PLCB3: variants seen among roughly 807,000 people sequenced by gnomAD.
PLCB3 encodes phospholipase C beta 3.
Under a neutral mutation model 152.1 loss-of-function variants are expected in PLCB3, and 54 were observed. That is an observed-to-expected ratio of 0.36 (90% CI 0.29 to 0.45). PLCB3 has a LOEUF of 0.45. Among genes scored for constraint, PLCB3 ranks in the 20% least tolerant of loss-of-function variants. The pLI, the probability that PLCB3 is intolerant of heterozygous loss-of-function variation, is 1.00. For missense variants in PLCB3, 1,248 were observed against 1,687.5 expected, an observed-to-expected ratio of 0.74 and a Z score of 4.56; for synonymous variants, 717 against 698.7, an observed-to-expected ratio of 1.03 and a Z score of -0.41.
rs1326944931 is a variant in PLCB3, at chr11:64,252,330, A to G, written c.99+582A>G. 3.3e-5 allele frequency among the ~76,000 whole-genome samples: 5 copies of G among 151,560 alleles called. No homozygotes were observed. The East Asian group carries it at 9.7e-4, about 29-fold the overall frequency. On this transcript the variant is annotated intron_variant, in intron 1 of 30. Coordinates refer to ENST00000279230, the MANE Select transcript of PLCB3 (RefSeq NM_000932.5). ...CCCCTAGTGGAGACTTTGCCCCCCA[A>G]GTTCCTCCACCCCTGGGAACTTTGC...
chr11:64,262,432 C>T lies in PLCB3; in HGVS notation c.2064C>T (p.Gly688=), dbSNP rs561207684. ...TLDVAMQLNA[G]VFEYNGRSGY... is the part of the protein sequence containing the mutation. ...ATGTGGCGATGCAGCTCAACGCGGG[C>T]GTTTTTGAGTACAACGGGCGCAGCG... The change falls in exon 18 of 31, where the codon GGC becomes GGT. Residue 688 remains glycine, a synonymous_variant. Coordinates refer to ENST00000279230, the MANE Select transcript of PLCB3 (RefSeq NM_000932.5). The T allele has an allele frequency of 5.6e-6, 9 of 1,613,652 alleles. No homozygotes were observed. Among genetic ancestry groups the T allele is most frequent in the East Asian group, 2.2e-5 (1 of 44,880 alleles).
Position 64,267,720 on chromosome 11 carries a change from GC to G in PLCB3, c.*168del. 1.6e-6 allele frequency: 1 copy of G among 628,542 alleles called. No individual in the cohort carries two copies. The highest frequency in any genetic ancestry group is 2.7e-6 in the Non-Finnish European group (1 of 369,640). The allele number at this position is 628,542 out of a possible 1,614,324, so 38.9% of individuals were successfully genotyped here. On this transcript the variant is annotated 3_prime_UTR_variant, in exon 31 of 31. Coordinates refer to ENST00000279230, the MANE Select transcript of PLCB3 (RefSeq NM_000932.5). This position sits in a 1 kb window ranked among gnomAD's most constrained non-coding sequence, Gnocchi z 5.2. The stretch of plus-strand genomic sequence containing the variant: ...AGCTAACTCCCTTCATCCTCCTGGG[GC>G]CCCTCCTTCCTGCCCTCAGTCTTAG...
chr11:64,265,398 G>T lies in PLCB3; in HGVS notation c.2931G>T (p.Leu977=). ...GGCAAGAGCGAGACCTGCGGGAGCT[G>T]CGCAAGAAGCATCAGCGGAAGGCAG... is the stretch of plus-strand genomic sequence containing the variant. The part of the protein sequence containing the change: ...RSRQERDLRE[L]RKKHQRKAVT... Residue 977 remains leucine, a synonymous_variant, in exon 25 of 31, where the codon CTG becomes CTT. Coordinates refer to ENST00000279230, the MANE Select transcript of PLCB3 (RefSeq NM_000932.5). The T allele has an allele frequency of 1.2e-6, 2 of 1,612,522 alleles. No homozygotes were observed. Among genetic ancestry groups the T allele is most frequent in the Non-Finnish European group, 1.7e-6 (2 of 1,179,870 alleles).
rs748655012 is a variant in PLCB3, at chr11:64,265,895, C to T, written c.3045C>T (p.Ala1015=). 11 of 1,612,418 alleles carry T rather than the reference C, an allele frequency of 6.8e-6. No homozygotes were observed. Among genetic ancestry groups the T allele is most frequent in the East Asian group, 4.5e-5 (2 of 44,880 alleles). ...CRLRPGALGG[A]ADVEDTKEGE... Reference sequence around the variant, plus strand: ...GGGGTTCTCCTCGCAGAGGTGGGGCCGCTGATGTGGAGGACACGAAGGAGG... The same window carrying T: ...GGGGTTCTCCTCGCAGAGGTGGGGCTGCTGATGTGGAGGACACGAAGGAGG... Residue 1015 remains alanine (A), a synonymous_variant, in exon 26 of 31, where the codon GCC becomes GCT. Transcript: ENST00000279230.
rs960193376 is a variant in PLCB3 at position 64,265,340 on chromosome 11, G to A, written c.2873G>A (p.Arg958Gln). ...GCCCCCACCCCGCTGGATGAGCTCC[G>A]AGGTCACAAGGCTCTGGTCAAGCTC... Reference protein sequence around the residue: ...EVAPTPLDELRGHKALVKLRS... With the variant: ...EVAPTPLDELQGHKALVKLRS... Residue 958 changes from arginine (R) to glutamine (Q), a missense_variant, in exon 25 of 31, where the codon CGA becomes CAA. By Grantham distance (43) the Arg-to-Gln change is conservative (BLOSUM62 1). Coordinates refer to ENST00000279230, the MANE Select transcript of PLCB3 (RefSeq NM_000932.5). The A allele has an allele frequency of 2.5e-6, 4 of 1,606,076 alleles. No individual in the cohort carries two copies. The highest frequency in any genetic ancestry group is 3.4e-6 in the Non-Finnish European group (4 of 1,176,572).
At chr11:64,264,210 T>C in intron 22 of PLCB3, 98 bp downstream of exon 22, 1 of 751,414 alleles carries the variant, frequency 1.3e-6, no homozygotes, top group Non-Finnish European at 2.1e-6. Flanking sequence ...CTGGTCTCTC[T>C]AGCGCAGTAG....
intron 1 of PLCB3, among the ~76,000 whole-genome samples, chr11:64,252,401 C>T (rs1166694129): frequency 6.6e-6 from 1 of 152,086 alleles, no homozygotes; most frequent in Non-Finnish European, 1.5e-5. Context: ...TACATCCTGG[C>T]CCCCCTTTCC....
At position 64,254,985 on chromosome 11, in the gene PLCB3, C is replaced by T; in HGVS notation, c.334C>T (p.Pro112Ser). The change falls in exon 4 of 31, where the codon CCA (proline) becomes TCA (serine). Residue 112 changes from proline (P) to serine (S), a missense_variant. This residue lies in a region of PLCB3 where 299 missense variants were observed against 434.7 expected (regional missense o/e 0.69). Transcript: ENST00000279230. The part of the protein sequence containing the change: ...KLMTVVSGPD[P>S]VNTVFLNFMA... Reference sequence around the variant, plus strand: ...GATGACGGTGGTGTCTGGGCCAGACCCAGTGAACACAGTGTTCTTGAACTT... The same window carrying T: ...GATGACGGTGGTGTCTGGGCCAGACTCAGTGAACACAGTGTTCTTGAACTT... 3 of 1,588,132 alleles carry T rather than the reference C, an allele frequency of 1.9e-6. No homozygotes were observed. The highest frequency in any genetic ancestry group is 3.5e-5 in the Admixed American group (2 of 57,836).
chr11:64,261,560 C>T, intron 15 of PLCB3, 21 bp from the exon 16 acceptor site: 1 of 1,613,692 alleles, frequency 6.2e-7, no homozygotes, highest in Non-Finnish European at 8.5e-7. Flanking sequence ...GTCTGACGCC[C>T]TTTCTTGGCT....
At chr11:64,264,142 C>T (rs746285562) in intron 22 of PLCB3, 30 bp downstream of exon 22, 8 of 1,441,150 alleles carry the variant, frequency 5.6e-6, no homozygotes, top group South Asian at 1.4e-5. Context: ...GGCTCAGGCT[C>T]ACTGTGACCC....
At position 64,255,296 on chromosome 11, in the gene PLCB3, C is replaced by T; in HGVS notation, c.450C>T (p.Asn150=). Reference sequence around the variant, plus strand: ...TCCTGGCTCAGAACGCCTCCCGGAACACCTTCCTGCGCAAAGCGTGAGCCC... The same window carrying T: ...TCCTGGCTCAGAACGCCTCCCGGAATACCTTCCTGCGCAAAGCGTGAGCCC... ...MNILAQNASR[N]TFLRKAYTKL... The change falls in exon 5 of 31, where the codon AAC becomes AAT. Residue 150 remains asparagine, a synonymous_variant. Transcript: ENST00000279230. This position sits in a 1 kb window ranked among gnomAD's most constrained non-coding sequence, Gnocchi z 6.8. The T allele has an allele frequency of 6.2e-7, 1 of 1,613,948 alleles. No homozygotes were observed. The highest frequency in any genetic ancestry group is 8.5e-7 in the Non-Finnish European group (1 of 1,179,986).
In PLCB3 at chr11:64,267,889, AT is replaced by A. The variant is rs985491412; in HGVS notation, c.*341del. ...ACATTTTTTTCTCTATTCTTTGGGG[AT>A]TTTTTTTACATGAATAAAAGTGGAT... On this transcript the variant is annotated 3_prime_UTR_variant, in exon 31 of 31. Transcript: ENST00000279230. This position sits in a 1 kb window ranked among gnomAD's most constrained non-coding sequence, Gnocchi z 5.2. 5.3e-5 allele frequency: 16 copies of A among 303,314 alleles called. No individual in the cohort carries two copies. Among genetic ancestry groups the A allele is most frequent in the Middle Eastern group, 9.2e-4 (1 of 1,084 alleles). 18.8% of individuals were successfully genotyped at this position (303,314 alleles called of 1,614,324 possible).
At position 64,266,223 on chromosome 11, in the gene PLCB3, A is replaced by G. The variant is rs758169275; in HGVS notation, c.3266+21A>G. Reference sequence around the variant, plus strand: ...GAGAGGTGAAAGCCGAGGATTGTCTATGGGAAGGGCTGGGGACTTCTAGTA... The same window carrying G: ...GAGAGGTGAAAGCCGAGGATTGTCTGTGGGAAGGGCTGGGGACTTCTAGTA... On this transcript the variant is annotated intron_variant, in intron 27 of 30. Coordinates refer to ENST00000279230, the MANE Select transcript of PLCB3 (RefSeq NM_000932.5). This position sits in a 1 kb window ranked among gnomAD's most constrained non-coding sequence, Gnocchi z 4.9. The G allele has an allele frequency of 3.7e-6, 6 of 1,613,818 alleles. No individual in the cohort carries two copies. In the African/African-American group the frequency reaches 8.0e-5, roughly 22 times the overall value.
At chr11:64,260,886 GAATTT>G (rs2031814069) in intron 14 of PLCB3, among the ~76,000 whole-genome samples, 1 of 151,536 alleles carries the variant, frequency 6.6e-6, no homozygotes, top group Non-Finnish European at 1.5e-5. Context: ...TTTGTTTCCT[GAATTT>G]AATTATTGTA....
downstream of PLCB3, chr11:64,269,203 CG>C (rs548495528): frequency 4.6e-5 from 7 of 152,452 alleles, no homozygotes; most frequent in South Asian, 2.0e-4. Context: ...CTCCTTGCGC[CG>C]GGGGGGATGA....
Position 64,266,285 on chromosome 11 carries a change from C to T in PLCB3, c.3267-30C>T. 1 of 1,613,582 alleles carries T rather than the reference C, an allele frequency of 6.2e-7. No homozygotes were observed. Among genetic ancestry groups the T allele is most frequent in the Non-Finnish European group, 8.5e-7 (1 of 1,179,938 alleles). Reference sequence around the variant, plus strand: ...GCAGAGTCTGTGCTTCTGCCGCTGACCCCTCCTCTTCCCCTGCCGGCTTCT... The same window carrying T: ...GCAGAGTCTGTGCTTCTGCCGCTGATCCCTCCTCTTCCCCTGCCGGCTTCT... On this transcript the variant is annotated intron_variant, in intron 27 of 30. Coordinates refer to ENST00000279230, the MANE Select transcript of PLCB3 (RefSeq NM_000932.5). This position sits in a 1 kb window ranked among gnomAD's most constrained non-coding sequence, Gnocchi z 4.9.
intron 22 of PLCB3, 55 bp downstream of exon 22, chr11:64,264,167 C>G (rs1456851202): frequency 8.3e-7 from 1 of 1,203,950 alleles, no homozygotes; most frequent in Non-Finnish European, 1.2e-6. Flanking sequence ...GGCCGCTGGA[C>G]ATGACTGCTG....
At chr11:64,263,475 C>T (rs2031955055) in intron 19 of PLCB3, 23 bp from the exon 20 acceptor site, 2 of 1,508,646 alleles carry the variant, frequency 1.3e-6, no homozygotes, top group East Asian at 2.5e-5. Flanking sequence ...AGCCCTGTGG[C>T]TCAGCTCCAG....
chr11:64,265,220 C>A lies in PLCB3; in HGVS notation c.2835C>A (p.Ile945=). The A allele has an allele frequency of 6.2e-7, 1 of 1,600,084 alleles. No individual in the cohort carries two copies. Among genetic ancestry groups the A allele is most frequent in the Non-Finnish European group, 8.5e-7 (1 of 1,172,768 alleles). ...AGCGTGATGATCTCATCGCCAGCAT[C>A]CTCTCAGGTAGGGGGCGGGGTACCT... ...PGQRDDLIAS[I]LSEVAPTPLD... is the part of the protein sequence containing the mutation. Residue 945 remains isoleucine (I), a synonymous_variant, in exon 24 of 31, where the codon ATC becomes ATA. Transcript: ENST00000279230.
Sources: gnomAD v4.1 joint callset for allele counts (sites outside exome capture counted in the v4.1 genomes callset) on GRCh38, gnomAD v4.1.1 for gene constraint, gnomAD v4.1.1 regional missense constraint, Gnocchi (gnomAD v3.1) non-coding constraint, MANE v1.5 for transcripts, NCBI Gene and HGNC (gene_info 2026-07-23, HGNC 2026-07-21) for gene names.